DHX35: variants seen among roughly 807,000 people sequenced by gnomAD.
DHX35 encodes probable ATP-dependent RNA helicase DHX35.
In DHX35, 84 loss-of-function variants were observed where a neutral mutation model predicts 99.6. The observed-to-expected ratio is 0.84, with a 90% CI of 0.71 to 1.01. DHX35 has a LOEUF of 1.01. Among genes scored for constraint, DHX35 ranks in the 50% least tolerant of loss-of-function variants. DHX35 has a pLI of 0.00. For synonymous variants in DHX35, 331 were observed against 316.2 expected (o/e 1.05, Z -0.50); for missense variants, 852 against 888.5 (o/e 0.96, Z 0.52).
At chr20:39,020,087 A>G (rs1328285653) in intron 15 of DHX35, among the ~76,000 whole-genome samples, 6 of 152,150 alleles carry the variant, frequency 3.9e-5, no homozygotes, top group Admixed American at 3.9e-4. Flanking sequence ...TTAAGGCTGC[A>G]TGTTATTTCA....
chr20:38,999,081 C>T (rs561225938), intron 8 of DHX35, among the ~76,000 whole-genome samples: 7 of 152,106 alleles, frequency 4.6e-5, no homozygotes, highest in South Asian at 2.1e-4. Flanking sequence ...CATGAGCCAC[C>T]GCATCCGGCC....
At chr20:38,991,386 C>T in intron 5 of DHX35, 68 bp from the exon 6 acceptor site, 1 of 1,452,744 alleles carries the variant, frequency 6.9e-7, no homozygotes, top group Non-Finnish European at 9.4e-7. Flanking sequence ...TGCACTTGAA[C>T]TTAAAAAATA....
rs189195625 is a variant in DHX35, at chr20:39,011,230, C to A, written c.1347+826C>A. Among the ~76,000 whole-genome samples, 124 of 151,210 alleles carry A rather than the reference C, an allele frequency of 8.2e-4. 1 individual carries two copies. The highest frequency in any genetic ancestry group is 2.9e-3 in the African/African-American group (120 of 41,236). The stretch of plus-strand genomic sequence containing the variant: ...ACATTAATTTTTATAATATTTCTTA[C>A]AAATATTTTCTATTTATATTTTACT... On this transcript the variant is annotated intron_variant, in intron 13 of 21. Transcript: ENST00000252011.
chr20:39,010,557 G>A (rs531451725), intron 13 of DHX35, among the ~76,000 whole-genome samples, 153 bp downstream of exon 13: 26 of 152,274 alleles, frequency 1.7e-4, no homozygotes, highest in African/African-American at 5.8e-4. Context: ...TGTGCAGGAC[G>A]TAGGGGAAAA....
chr20:38,989,147 G>C (rs2145870223), intron 5 of DHX35, among the ~76,000 whole-genome samples: 1 of 148,852 alleles, frequency 6.7e-6, no homozygotes, highest in Admixed American at 6.7e-5. Context: ...ACCCAGGCTG[G>C]AGTGCGGTGG....
At chr20:39,025,463 C>G (rs2086943166) in intron 18 of DHX35, 104 bp downstream of exon 18, 15 of 1,385,966 alleles carry the variant, frequency 1.1e-5, no homozygotes, top group Non-Finnish European at 1.4e-5. Flanking sequence ...GTGGCGTGCT[C>G]TGTACCAACA....
At chr20:38,980,567 G>A (rs1331737835) in intron 3 of DHX35, among the ~76,000 whole-genome samples, 1 of 137,846 alleles carries the variant, frequency 7.3e-6, no homozygotes, top group Non-Finnish European at 1.6e-5. Context: ...TTTTGTATAT[G>A]TATTTAATAC....
chr20:38,986,894 C>G (rs1300550292), intron 4 of DHX35, among the ~76,000 whole-genome samples: 2 of 152,254 alleles, frequency 1.3e-5, no homozygotes, highest in Non-Finnish European at 2.9e-5. Flanking sequence ...TCCTCATCTG[C>G]TCTTCAGTGT....
chr20:39,016,282 T>C (rs907575559), intron 14 of DHX35, among the ~76,000 whole-genome samples: 2 of 152,180 alleles, frequency 1.3e-5, no homozygotes, highest in African/African-American at 4.8e-5. Context: ...AGGGCATTAA[T>C]CTGTTCATGA....
chr20:38,986,626 T>C (rs376310673), intron 4 of DHX35, among the ~76,000 whole-genome samples: 1 of 152,336 alleles, frequency 6.6e-6, no homozygotes, highest in African/African-American at 2.4e-5. Flanking sequence ...ACACATTCTC[T>C]ACCTGTACCA....
chr20:38,983,215 G>A (rs976982105), intron 3 of DHX35, among the ~76,000 whole-genome samples: 2 of 152,194 alleles, frequency 1.3e-5, no homozygotes, highest in Non-Finnish European at 2.9e-5. Context: ...CGCCGTGCCT[G>A]TTCAATCAAA....
chr20:39,017,350 G>A (rs554893727), intron 14 of DHX35, among the ~76,000 whole-genome samples: 40 of 131,240 alleles, frequency 3.0e-4, no homozygotes, highest in Non-Finnish European at 4.5e-4. Flanking sequence ...GTGTGTTGGA[G>A]AAGGTTTCCA....
At chr20:38,983,858 T>G (rs769978711) in intron 4 of DHX35, 82 bp downstream of exon 4, 75 of 1,218,830 alleles carry the variant, frequency 6.2e-5, no homozygotes, top group Non-Finnish European at 8.7e-5. Context: ...AGGCTTTAAA[T>G]GAATAGAAGT....
At chr20:39,010,233 T>G in intron 12 of DHX35, 47 bp from the exon 13 acceptor site, 1 of 1,613,768 alleles carries the variant, frequency 6.2e-7, no homozygotes, top group Non-Finnish European at 8.5e-7. Context: ...GTGATTGCAT[T>G]TGATTGTGAC....
chr20:39,004,665 G>T (rs1232054462), intron 11 of DHX35, among the ~76,000 whole-genome samples: 1 of 152,242 alleles, frequency 6.6e-6, no homozygotes, highest in African/African-American at 2.4e-5. Context: ...GAGTGAGGAA[G>T]GGTGTGGTGG....
intron 2 of DHX35, among the ~76,000 whole-genome samples, chr20:38,972,189 T>A (rs1373495041): frequency 6.6e-6 from 1 of 152,114 alleles, no homozygotes; most frequent in Non-Finnish European, 1.5e-5. Flanking sequence ...TTTGTATTTT[T>A]AGTAGAGACA....
chr20:38,976,006 A>G (rs2086069920), intron 3 of DHX35, among the ~76,000 whole-genome samples: 1 of 152,234 alleles, frequency 6.6e-6, no homozygotes, highest in South Asian at 2.1e-4. Context: ...TACTCCTGCA[A>G]GGCTTAGCTG....
rs747437750 is a variant in DHX35, at chr20:39,003,794, G to A, written c.898G>A (p.Ala300Thr). The change falls in exon 11 of 22, where the codon GCA (alanine) becomes ACA (threonine). Residue 300 changes from alanine to threonine, a missense_variant. Coordinates refer to ENST00000252011, the MANE Select transcript of DHX35 (RefSeq NM_021931.4). ...GTCGATGCTCATCGAGCAGGCTCGAGCACTAGCTCGCACTGGGATGAAGAG... is the reference window on the plus strand; with the variant it reads ...GTCGATGCTCATCGAGCAGGCTCGAACACTAGCTCGCACTGGGATGAAGAG... ...VVSMLIEQAR[A>T]LARTGMKRHL... 14 of 1,614,220 alleles carry A rather than the reference G, an allele frequency of 8.7e-6. No individual in the cohort carries two copies. The highest frequency in any genetic ancestry group is 1.2e-5 in the Non-Finnish European group (14 of 1,180,026).
chr20:38,980,157 T>G (rs1183223741), intron 3 of DHX35, among the ~76,000 whole-genome samples: 1 of 152,036 alleles, frequency 6.6e-6, no homozygotes, highest in African/African-American at 2.4e-5. Flanking sequence ...GGTATTGAGG[T>G]GACTAGCTTT....
Sources: allele counts gnomAD v4.1 joint callset (sites outside exome capture counted in the v4.1 genomes callset), GRCh38; gene constraint gnomAD v4.1.1; transcripts MANE v1.5; gene names NCBI Gene and HGNC (gene_info 2026-07-23, HGNC 2026-07-21).